The following RNFT2 variants were observed in gnomAD, a reference collection of about 807,000 sequenced individuals.
RNFT2 encodes ring finger protein, transmembrane 2.
RNFT2 carries 36 observed loss-of-function variants against 53.0 expected under a neutral mutation model. The observed-to-expected ratio is 0.68, with a 90% CI of 0.52 to 0.90. The LOEUF (loss-of-function observed/expected upper bound fraction) is 0.90, where lower values mean the gene tolerates loss of function less well. Ranked by LOEUF, RNFT2 falls within the 40% of genes least tolerant of loss-of-function variation. The probability of loss-of-function intolerance (pLI) is 0.00; values close to 1 mark genes in which losing one functional copy is unlikely to be tolerated. For missense variants in RNFT2, 514 were observed against 585.6 expected, an observed-to-expected ratio of 0.88 and a Z score of 1.26; for synonymous variants, 260 against 253.2, an observed-to-expected ratio of 1.03 and a Z score of -0.26.
intron 10 of RNFT2, among the ~76,000 whole-genome samples, chr12:116,839,803 G>C (rs1877163378): frequency 6.6e-6 from 1 of 151,430 alleles, no homozygotes. Flanking sequence ...GGGCGGAGGG[G>C]CCCACTAGGC....
At chr12:116,768,930 C>T (rs574321662) in intron 6 of RNFT2, among the ~76,000 whole-genome samples, 7 of 152,040 alleles carry the variant, frequency 4.6e-5, no homozygotes, top group African/African-American at 1.7e-4. Flanking sequence ...AGTGTTTTGC[C>T]ATATTGGCCA....
chr12:116,750,396 C>A, intron 4 of RNFT2, 89 bp downstream of exon 4: 1 of 1,295,412 alleles, frequency 7.7e-7, no homozygotes, highest in Non-Finnish European at 1.1e-6. Context: ...CCTCTGAAGC[C>A]CAGGGAGAGG....
intron 4 of RNFT2, among the ~76,000 whole-genome samples, chr12:116,751,059 C>T (rs1196793401): frequency 9.3e-5 from 14 of 150,480 alleles, no homozygotes; most frequent in Admixed American, 6.0e-4. Context: ...GGACTACAGG[C>T]GTGTGCCACC....
At chr12:116,828,672 C>A (rs1013499194) in intron 7 of RNFT2, among the ~76,000 whole-genome samples, 2 of 149,186 alleles carry the variant, frequency 1.3e-5, no homozygotes, top group Non-Finnish European at 3.0e-5. Context: ...AGGGAGTGGG[C>A]AAGGAAGAGA....
intron 7 of RNFT2, among the ~76,000 whole-genome samples, chr12:116,804,004 G>A (rs1305093564): frequency 6.6e-6 from 1 of 152,160 alleles, no homozygotes; most frequent in Non-Finnish European, 1.5e-5. Flanking sequence ...AGATTAAGTG[G>A]GACTTGGGGA....
chr12:116,800,563 G>A (rs1874719161), intron 7 of RNFT2, among the ~76,000 whole-genome samples: 1 of 152,014 alleles, frequency 6.6e-6, no homozygotes, highest in African/African-American at 2.4e-5. Context: ...AACCCAAGAG[G>A]CGGGAGGTTG....
chr12:116,752,068 G>A (rs893342012), intron 4 of RNFT2, among the ~76,000 whole-genome samples: 36 of 152,196 alleles, frequency 2.4e-4, no homozygotes, highest in African/African-American at 7.0e-4. Context: ...AGAAAATATC[G>A]GTCAGGTGTG....
chr12:116,743,153 A>G (rs1178288627), intron 3 of RNFT2, among the ~76,000 whole-genome samples: 4 of 138,356 alleles, frequency 2.9e-5, no homozygotes, highest in African/African-American at 1.0e-4. Context: ...GATCACAAGG[A>G]CATGTAAATA....
In RNFT2 at chr12:116,744,687, C is replaced by T. The variant is rs1871813562; in HGVS notation, c.83+3593C>T. ...CGCTTAAGTGGTTAAGTTGGAAGCA[C>T]AGCCTCTGTCCCCCTAAGGAATATT... On this transcript the variant is annotated intron_variant, in intron 3 of 10. Coordinates refer to ENST00000257575, the MANE Select transcript of RNFT2 (RefSeq NM_001382266.1). Among the ~76,000 whole-genome samples, 4 of 152,328 alleles carry T rather than the reference C, an allele frequency of 2.6e-5. 1 individual carries two copies. In the South Asian group the frequency reaches 8.3e-4, roughly 32 times the overall value.
chr12:116,805,164 C>T (rs1363477756), intron 7 of RNFT2, among the ~76,000 whole-genome samples: 5 of 146,304 alleles, frequency 3.4e-5, no homozygotes, highest in African/African-American at 1.3e-4. Context: ...AACATGGACA[C>T]AGAACCTGGC....
At chr12:116,789,959 G>GTT (rs1566082072) in intron 7 of RNFT2, among the ~76,000 whole-genome samples, 1 of 133,944 alleles carries the variant, frequency 7.5e-6, no homozygotes, top group Admixed American at 8.2e-5. Context: ...TGGATGGGTG[G>GTT]GTGGATGGAT....
intron 7 of RNFT2, among the ~76,000 whole-genome samples, chr12:116,784,086 AGACCACCAGGCAGTCAGGCCCCTGAGTCT>A (rs1474684654): frequency 3.9e-5 from 6 of 152,266 alleles, no homozygotes; most frequent in Admixed American, 1.3e-4. Flanking sequence ...GAGCAAAGTC[AGACCACCAGGCAGTCAGGCCCCTGAGTCT>A]GAGCTCTTAA....
chr12:116,842,620 C>G (rs1877408690), intron 10 of RNFT2, among the ~76,000 whole-genome samples: 1 of 152,136 alleles, frequency 6.6e-6, no homozygotes, highest in Non-Finnish European at 1.5e-5. Flanking sequence ...GTCACCCAGG[C>G]TAGAGTGCAG....
At chr12:116,831,634 CAT>C (rs1197435314) in intron 7 of RNFT2, among the ~76,000 whole-genome samples, 2 of 151,612 alleles carry the variant, frequency 1.3e-5, no homozygotes, top group Non-Finnish European at 2.9e-5. Context: ...AATTGCCAGA[CAT>C]AGAATTGTTA....
In RNFT2 at chr12:116,849,535, C is replaced by T. The variant is rs1877803977; in HGVS notation, c.*87C>T. On this transcript the variant is annotated 3_prime_UTR_variant, in exon 11 of 11. Transcript: ENST00000257575. ...CGGGGGCTTCCTGAGAAACAGGCCT[C>T]AAGCACTTACATCCTGCCTCTTGCC... 6.8e-7 allele frequency: 1 copy of T among 1,466,522 alleles called. No homozygotes were observed. Among genetic ancestry groups the T allele is most frequent in the Admixed American group, 2.2e-5 (1 of 45,756 alleles). The allele number at this position is 1,466,522 out of a possible 1,614,324, so 90.8% of individuals were successfully genotyped here. A position where few individuals can be genotyped will look rare whatever the true frequency, so the allele number is the denominator to read the frequency against.
intron 7 of RNFT2, among the ~76,000 whole-genome samples, chr12:116,804,096 T>C (rs1874934559): frequency 6.6e-6 from 1 of 152,250 alleles, no homozygotes. Flanking sequence ...TCCTTACTTT[T>C]ACTACACATT....
At chr12:116,801,558 A>G (rs1320941232) in intron 7 of RNFT2, 1 of 152,240 alleles carries the variant, frequency 6.6e-6, no homozygotes, top group Non-Finnish European at 1.5e-5. Flanking sequence ...GACTTAACTC[A>G]TAACACTGTT....
intron 5 of RNFT2, chr12:116,755,960 G>A: frequency 1.2e-6 from 1 of 813,704 alleles, no homozygotes; most frequent in Non-Finnish European, 2.1e-6. Flanking sequence ...CTGTTTTGGT[G>A]ACTATGGCCT....
intron 7 of RNFT2, among the ~76,000 whole-genome samples, chr12:116,793,478 G>A (rs1438287651): frequency 6.6e-6 from 1 of 152,098 alleles, no homozygotes; most frequent in Non-Finnish European, 1.5e-5. Flanking sequence ...GTGAGCCACT[G>A]TGCCTGGTCC....
Sources: allele counts gnomAD v4.1 joint callset (sites outside exome capture counted in the v4.1 genomes callset), GRCh38; gene constraint gnomAD v4.1.1; transcripts MANE v1.5; gene names NCBI Gene and HGNC (gene_info 2026-07-23, HGNC 2026-07-21).